Variants in EPB41L4A observed in about 807,000 individuals in gnomAD.
EPB41L4A encodes the protein erythrocyte membrane protein band 4.1 like 4A, also known as band 4.1-like protein 4A.
Under a neutral mutation model 108.6 loss-of-function variants are expected in EPB41L4A, and 100 were observed. That is an observed-to-expected ratio of 0.92 (90% confidence interval 0.78 to 1.09). EPB41L4A has a LOEUF of 1.09. EPB41L4A is among the 50% of genes least tolerant of loss of function. The pLI is 0.00. For missense variants in EPB41L4A, 1,030 were observed against 842.7 expected (o/e 1.22, Z -2.75); for synonymous variants, 319 against 289.0 (o/e 1.10, Z -1.05).
chr5:112,332,117 A>T (rs933507658), intron 1 of EPB41L4A, among the ~76,000 whole-genome samples: 1 of 152,310 alleles, frequency 6.6e-6, no homozygotes, highest in Admixed American at 6.5e-5. Context: ...TTCCTCCTCT[A>T]TCCTCAAGGA....
At chr5:112,185,320 A>G (rs1290885592) in intron 17 of EPB41L4A, among the ~76,000 whole-genome samples, 3 of 152,314 alleles carry the variant, frequency 2.0e-5, no homozygotes, top group East Asian at 1.9e-4. Context: ...CTCTGAACAG[A>G]TGTCTTTTGG....
At chr5:112,161,677 C>T (rs1181181258), downstream of EPB41L4A, 1 of 504,438 alleles carries the variant, frequency 2.0e-6, no homozygotes, top group South Asian at 1.4e-5. Flanking sequence ...TATGGTTTCT[C>T]TTAGCCAGTT....
chr5:112,196,283 C>G (rs897653649), intron 15 of EPB41L4A, among the ~76,000 whole-genome samples: 1 of 152,150 alleles, frequency 6.6e-6, no homozygotes, highest in East Asian at 1.9e-4. Flanking sequence ...GAATGTGAAT[C>G]CCATCTTCTC....
intron 12 of EPB41L4A, 143 bp from the exon 13 acceptor site, chr5:112,210,125 G>T (rs1337001726): frequency 1.9e-6 from 1 of 540,496 alleles, no homozygotes; most frequent in Non-Finnish European, 3.2e-6. Flanking sequence ...AATAAATAAT[G>T]AATCACCCAA....
intron 1 of EPB41L4A, among the ~76,000 whole-genome samples, chr5:112,390,613 G>A (rs368491195): frequency 9.9e-5 from 15 of 152,176 alleles, no homozygotes; most frequent in African/African-American, 3.6e-4. Flanking sequence ...CCACCTCTGG[G>A]GGCACGGCAT....
intron 2 of EPB41L4A, among the ~76,000 whole-genome samples, chr5:112,281,346 A>C (rs1561537041): frequency 6.6e-6 from 1 of 152,220 alleles, no homozygotes; most frequent in Admixed American, 6.5e-5. Context: ...ATTAAGTAGA[A>C]TTATCGAAGG....
intron 12 of EPB41L4A, among the ~76,000 whole-genome samples, chr5:112,218,603 G>T (rs1191639392): frequency 6.6e-6 from 1 of 152,220 alleles, no homozygotes; most frequent in Non-Finnish European, 1.5e-5. Context: ...TGTCTCAGAG[G>T]AGAGTGCTAG....
At chr5:112,368,727 G>A (rs1055895312) in intron 1 of EPB41L4A, among the ~76,000 whole-genome samples, 1 of 152,146 alleles carries the variant, frequency 6.6e-6, no homozygotes, top group African/African-American at 2.4e-5. Flanking sequence ...TCATTGACCT[G>A]TCCTCCCCAC....
chr5:112,318,382 G>C (rs1293735055), intron 1 of EPB41L4A, among the ~76,000 whole-genome samples: 1 of 152,126 alleles, frequency 6.6e-6, no homozygotes, highest in Non-Finnish European at 1.5e-5. Context: ...GATATTCTTT[G>C]GTTTCATCAC....
chr5:112,208,969 T>C (rs769786452), intron 13 of EPB41L4A, among the ~76,000 whole-genome samples: 2 of 152,194 alleles, frequency 1.3e-5, no homozygotes, highest in Non-Finnish European at 2.9e-5. Flanking sequence ...CCAGTAAATG[T>C]CTTAGAACCA....
At position 112,205,289 on chromosome 5, in the gene EPB41L4A, T is replaced by C. The variant is rs1005617135; in HGVS notation, c.1262+132A>G. On this transcript the variant is annotated intron_variant, in intron 14 of 22. Coordinates refer to ENST00000261486, the MANE Select transcript of EPB41L4A (RefSeq NM_022140.5). ...GCCCCTCTCCCCTGGGTCACATTGATTTAGAGTCTGCCCACTTTATCCACA... is the reference window on the plus strand; with the variant it reads ...GCCCCTCTCCCCTGGGTCACATTGACTTAGAGTCTGCCCACTTTATCCACA... The C allele has an allele frequency of 1.5e-5, 12 of 807,032 alleles. No individual in the cohort carries two copies. In the African/African-American group the frequency reaches 1.9e-4, roughly 13 times the overall value. The allele number at this position is 807,032 out of a possible 1,614,324, so 50.0% of individuals were successfully genotyped here.
chr5:112,243,611 C>T (rs949021551), intron 9 of EPB41L4A, among the ~76,000 whole-genome samples: 1 of 152,164 alleles, frequency 6.6e-6, no homozygotes, highest in African/African-American at 2.4e-5. Context: ...TTAGTGTAGC[C>T]ACTTTCATCA....
chr5:112,179,502 T>G (rs1401632106), intron 18 of EPB41L4A, among the ~76,000 whole-genome samples: 3 of 152,112 alleles, frequency 2.0e-5, no homozygotes, highest in Non-Finnish European at 4.4e-5. Context: ...GGGCTTATGC[T>G]AGGAATGCAA....
intron 22 of EPB41L4A, 48 bp downstream of exon 22, chr5:112,168,691 A>G: frequency 6.7e-7 from 1 of 1,498,240 alleles, no homozygotes; most frequent in Non-Finnish European, 9.3e-7. Context: ...AATGCTTCTC[A>G]AAATTGTCAT....
intron 4 of EPB41L4A, among the ~76,000 whole-genome samples, chr5:112,272,540 G>C (rs1255581782): frequency 6.6e-6 from 1 of 151,802 alleles, no homozygotes; most frequent in Non-Finnish European, 1.5e-5. Context: ...AGCACTTTGG[G>C]AGGCCAAGGC....
intron 1 of EPB41L4A, among the ~76,000 whole-genome samples, chr5:112,375,626 G>GA (rs1759771577): frequency 6.6e-6 from 1 of 152,168 alleles, no homozygotes; most frequent in Non-Finnish European, 1.5e-5. Context: ...CATGCTAAAT[G>GA]AACTAAGAGA....
At chr5:112,230,802 A>C (rs1008482852) in intron 12 of EPB41L4A, among the ~76,000 whole-genome samples, 1 of 152,130 alleles carries the variant, frequency 6.6e-6, no homozygotes, top group African/African-American at 2.4e-5. Context: ...GCTTTGCCTA[A>C]GCCAATGTCT....
At chr5:112,333,864 A>C (rs1198196045) in intron 1 of EPB41L4A, among the ~76,000 whole-genome samples, 2 of 152,210 alleles carry the variant, frequency 1.3e-5, no homozygotes, top group South Asian at 2.1e-4. Flanking sequence ...AAATGTAAAG[A>C]AGCAGCTAGC....
intron 9 of EPB41L4A, among the ~76,000 whole-genome samples, chr5:112,246,242 A>G (rs1413295731): frequency 1.3e-5 from 2 of 152,164 alleles, no homozygotes; most frequent in African/African-American, 2.4e-5. Flanking sequence ...GTCTTGGTCA[A>G]TGATGGATCG....
Sources: gnomAD v4.1 joint callset for allele counts (sites outside exome capture counted in the v4.1 genomes callset) on GRCh38, gnomAD v4.1.1 for gene constraint, MANE v1.5 for transcripts, NCBI Gene and HGNC (gene_info 2026-07-23, HGNC 2026-07-21) for gene names.